SF3A1: variants seen among roughly 807,000 people sequenced by gnomAD.
The protein encoded by SF3A1 is SAP 114.
In SF3A1, 13 loss-of-function variants were observed where a neutral mutation model predicts 89.9. That is an observed-to-expected ratio of 0.14 (90% CI 0.09 to 0.23). The LOEUF is 0.23. Among genes scored for constraint, SF3A1 ranks in the 10% least tolerant of loss-of-function variants. The probability of loss-of-function intolerance (pLI) is 1.00; values close to 1 mark genes in which losing one functional copy is unlikely to be tolerated. For missense variants in SF3A1, 604 were observed against 1,022.1 expected (o/e 0.59, Z 5.58); for synonymous variants, 405 against 374.4 (o/e 1.08, Z -0.94).
chr22:30,349,232 C>T (rs7288947), intron 2 of SF3A1, among the ~76,000 whole-genome samples: 30,603 of 152,204 alleles, frequency 0.2, 3,338 homozygotes, highest in Middle Eastern at 0.35. Flanking sequence ...TGCTTTAACT[C>T]GGATATTGGT....
Position 30,356,754 on chromosome 22 carries a change from C to A in SF3A1, c.39G>T (p.Pro13=), listed in dbSNP as rs1196842072. 1 of 1,485,918 alleles carries A rather than the reference C, an allele frequency of 6.7e-7. No individual in the cohort carries two copies. Among genetic ancestry groups the A allele is most frequent in the Non-Finnish European group, 9.0e-7 (1 of 1,113,756 alleles). The allele number at this position is 1,485,918 out of a possible 1,614,324, so 92.0% of individuals were successfully genotyped here. The change falls in exon 1 of 16, where the codon CCG becomes CCT. Residue 13 remains proline, a synonymous_variant. Coordinates refer to ENST00000215793, the MANE Select transcript of SF3A1 (RefSeq NM_005877.6). ...AGPVQAVPPP[P]PVPTEPKQPT... ...CCTGTTTGGGCTCCGTGGGCACGGG[C>A]GGCGGCGGGGGCACCGCCTGCACGG...
chr22:30,356,653 G>A (rs1931864627), intron 1 of SF3A1, 77 bp downstream of exon 1: 2 of 1,150,288 alleles, frequency 1.7e-6, no homozygotes, highest in Admixed American at 3.5e-5. Context: ...CATAGCGGCC[G>A]GCCGCTTATT....
chr22:30,345,290 C>T (rs1931386848), intron 3 of SF3A1, 100 bp from the exon 4 acceptor site: 12 of 1,126,896 alleles, frequency 1.1e-5, no homozygotes, highest in Non-Finnish European at 1.5e-5. Context: ...CAGCAGGATG[C>T]TGTGAACCTC....
In SF3A1 at chr22:30,338,861, T is replaced by C; in HGVS notation, c.1671A>G (p.Pro557=). Residue 557 remains proline, a synonymous_variant, in exon 11 of 16, where the codon CCA becomes CCG. Coordinates refer to ENST00000215793, the MANE Select transcript of SF3A1 (RefSeq NM_005877.6). The stretch of plus-strand genomic sequence containing the variant: ...TGTTGGTGGCTGAAGATGGTGGCGG[T>C]GGCTGTTGAGGGATTTCATTGGGCT... ...PSKPNEIPQQ[P]PPPSSATNIP... The C allele has an allele frequency of 6.2e-7, 1 of 1,614,096 alleles. No homozygotes were observed. The highest frequency in any genetic ancestry group is 8.5e-7 in the Non-Finnish European group (1 of 1,180,002).
rs530599302 is a variant in SF3A1, at chr22:30,347,811, T to C, written c.186-1292A>G. ...AAAATGCAGCTAACACCAGTTTCCC[T>C]TTCTACCTTGAAACATTATTGAGGA... On this transcript the variant is annotated intron_variant, in intron 2 of 15. Coordinates refer to ENST00000215793, the MANE Select transcript of SF3A1 (RefSeq NM_005877.6). Among the ~76,000 whole-genome samples, 64 of 152,330 alleles carry C rather than the reference T, an allele frequency of 4.2e-4. 1 individual carries two copies. The South Asian group carries it at 6.4e-3, about 15-fold the overall frequency.
Position 30,356,780 on chromosome 22 carries a change from G to C in SF3A1, c.13C>G (p.Pro5Ala). 1 of 1,435,810 alleles carries C rather than the reference G, an allele frequency of 7.0e-7. No homozygotes were observed. Among genetic ancestry groups the C allele is most frequent in the South Asian group, 1.4e-5 (1 of 69,268 alleles). 88.9% of individuals were successfully genotyped at this position (1,435,810 alleles called of 1,614,324 possible). MPAG[P>A]VQAVPPPPPV... ...GGCGGCGGGGGCACCGCCTGCACGG[G>C]TCCGGCCGGCATGACTGCGACGCTC... The change falls in exon 1 of 16, where the codon CCC (proline) becomes GCC (alanine). Residue 5 changes from proline to alanine, a missense_variant. Pro to Ala is a conservative substitution (Grantham distance 27, BLOSUM62 -1). Coordinates refer to ENST00000215793, the MANE Select transcript of SF3A1 (RefSeq NM_005877.6).
At position 30,334,414 on chromosome 22, in the gene SF3A1, C is replaced by G. The variant is rs1047508654; in HGVS notation, c.*180G>C. 8 of 493,790 alleles carry G rather than the reference C, an allele frequency of 1.6e-5. No individual in the cohort carries two copies. Among genetic ancestry groups the G allele is most frequent in the Middle Eastern group, 5.2e-4 (1 of 1,938 alleles). 30.6% of individuals were successfully genotyped at this position (493,790 alleles called of 1,614,324 possible). ...GCTTAGAAAACCCAGCTACTCTTAC[C>G]AATGTGGGGAAAGGGTCAGGGGAAT... On this transcript the variant is annotated 3_prime_UTR_variant, in exon 16 of 16. Transcript: ENST00000215793.
intron 2 of SF3A1, among the ~76,000 whole-genome samples, chr22:30,351,972 G>T (rs943471397): frequency 6.6e-6 from 1 of 152,254 alleles, no homozygotes; most frequent in African/African-American, 2.4e-5. Flanking sequence ...TCCATCTAAG[G>T]ATGTGAGGGT....
In SF3A1 at chr22:30,340,188, C is replaced by A. The variant is rs903470367; in HGVS notation, c.1375+8G>T. The A allele has an allele frequency of 2.0e-6, 3 of 1,503,138 alleles. No homozygotes were observed. The highest frequency in any genetic ancestry group is 1.4e-5 in the African/African-American group (1 of 70,638). The allele number at this position is 1,503,138 out of a possible 1,614,324, so 93.1% of individuals were successfully genotyped here. On this transcript the variant is annotated splice_region_variant and intron_variant, in intron 9 of 15. Transcript: ENST00000215793. ...CTACCATGGGCTCTCCTGGAACCCCCACCTCACCTGGTGCGTACACCTCAT... is the reference window on the plus strand; with the variant it reads ...CTACCATGGGCTCTCCTGGAACCCCAACCTCACCTGGTGCGTACACCTCAT...
At chr22:30,341,950 C>A (rs1204669531) in intron 6 of SF3A1, 65 bp from the exon 7 acceptor site, 1 of 1,500,704 alleles carries the variant, frequency 6.7e-7, no homozygotes, top group East Asian at 2.3e-5. Flanking sequence ...CCTGTCTGAG[C>A]TCCCCAAGGG....
intron 8 of SF3A1, 107 bp from the exon 9 acceptor site, chr22:30,340,488 ACT>A: frequency 8.5e-7 from 1 of 1,176,936 alleles, no homozygotes; most frequent in Non-Finnish European, 1.2e-6. Context: ...ATTCAGTGCC[ACT>A]CTTGTACCTG....
chr22:30,345,267 G>A, intron 3 of SF3A1, 77 bp from the exon 4 acceptor site: 1 of 1,368,700 alleles, frequency 7.3e-7, no homozygotes, highest in Non-Finnish European at 1.0e-6. Context: ...AGGGGACATG[G>A]GCATGCACCC....
At position 30,346,539 on chromosome 22, in the gene SF3A1, CAAG is replaced by C. The variant is rs1931426569; in HGVS notation, c.186-23_186-21del. 1 of 1,612,980 alleles carries C rather than the reference CAAG, an allele frequency of 6.2e-7. No homozygotes were observed. On this transcript the variant is annotated intron_variant, in intron 2 of 15. Coordinates refer to ENST00000215793, the MANE Select transcript of SF3A1 (RefSeq NM_005877.6). ...CCGTTTCTGGAGGAAGAAAAAACAA[CAAG>C]AATAAACACCACTCCCTTGTGCCTG...
intron 2 of SF3A1, among the ~76,000 whole-genome samples, chr22:30,349,647 G>GAA (rs1931525518): frequency 1.3e-5 from 2 of 149,758 alleles, no homozygotes; most frequent in African/African-American, 4.9e-5. Flanking sequence ...GATGTGCATG[G>GAA]TTTTGGATTT....
chr22:30,346,103 G>A, intron 3 of SF3A1: 1 of 578,420 alleles, frequency 1.7e-6, no homozygotes, highest in Non-Finnish European at 3.1e-6. Flanking sequence ...GAAGTACCAA[G>A]CACAGAGCTT....
intron 2 of SF3A1, among the ~76,000 whole-genome samples, chr22:30,351,301 T>A (rs1410629199): frequency 8.4e-5 from 12 of 143,442 alleles, no homozygotes; most frequent in Non-Finnish European, 1.8e-4. Flanking sequence ...CCATGTCATT[T>A]AAAAAAAAAA....
Position 30,340,381 on chromosome 22 carries a change from G to C in SF3A1, c.1190C>G (p.Ala397Gly). The change falls in exon 9 of 16, where the codon GCC becomes GGC. Residue 397 changes from alanine to glycine, a missense_variant and splice_region_variant. By Grantham distance (60) the Ala-to-Gly change is moderately conservative. Transcript: ENST00000215793. ...VIVRKDYDPK[A>G]SKPLPPAPAP... ...AGGGGCTGGAGGCAAGGGCTTGGAG[G>C]CTAAAAGGAAACAGATGTTTCAGTA... 1 of 1,611,254 alleles carries C rather than the reference G, an allele frequency of 6.2e-7. No individual in the cohort carries two copies. Among genetic ancestry groups the C allele is most frequent in the Non-Finnish European group, 8.5e-7 (1 of 1,179,338 alleles).
chr22:30,348,692 T>C (rs1012652277), intron 2 of SF3A1, among the ~76,000 whole-genome samples: 2 of 152,134 alleles, frequency 1.3e-5, no homozygotes, highest in Admixed American at 1.3e-4. Flanking sequence ...TGGAACCTCA[T>C]GCTTTGGAAA....
chr22:30,346,223 G>A (rs1931413820), intron 3 of SF3A1, 89 bp downstream of exon 3: 1 of 893,202 alleles, frequency 1.1e-6, no homozygotes, highest in Non-Finnish European at 1.8e-6. Context: ...CTGGGTGGTT[G>A]TGAGATTTGG....
Sources: allele counts gnomAD v4.1 joint callset (sites outside exome capture counted in the v4.1 genomes callset), GRCh38; gene constraint gnomAD v4.1.1; transcripts MANE v1.5; gene names NCBI Gene and HGNC (gene_info 2026-07-23, HGNC 2026-07-21).